The following FOXA2 variants were observed in gnomAD, a reference collection of about 807,000 sequenced individuals.
The protein encoded by FOXA2 is forkhead box A2, also known as hepatocyte nuclear factor 3-beta.
In FOXA2, 9 loss-of-function variants were observed where a neutral mutation model predicts 33.3. That is an observed-to-expected ratio of 0.27 (90% CI 0.16 to 0.47). FOXA2 has a LOEUF of 0.47. FOXA2 is among the 20% of genes least tolerant of loss of function. The pLI is 0.99. For synonymous variants in FOXA2, 329 were observed against 289.4 expected (o/e 1.14, Z -1.39); for missense variants, 704 against 659.9 (o/e 1.07, Z -0.73).
In FOXA2 at chr20:22,581,843, C is replaced by G; in HGVS notation, c.*7G>C. The stretch of plus-strand genomic sequence containing the variant: ...CAGAGTTAGCCGGGCCTGAAGCCGT[C>G]GTCTTCTTAAGAGGAGTTCATAATG... On this transcript the variant is annotated 3_prime_UTR_variant, in exon 2 of 2. Coordinates refer to ENST00000419308, the MANE Select transcript of FOXA2 (RefSeq NM_021784.5). The G allele has an allele frequency of 6.2e-7, 1 of 1,607,096 alleles. No homozygotes were observed. Among genetic ancestry groups the G allele is most frequent in the Non-Finnish European group, 8.5e-7 (1 of 1,174,504 alleles).
chr20:22,581,695 T>C lies in FOXA2; in HGVS notation c.*155A>G. On this transcript the variant is annotated 3_prime_UTR_variant, in exon 2 of 2. Coordinates refer to ENST00000419308, the MANE Select transcript of FOXA2 (RefSeq NM_021784.5). ...AACGGCTGCAGCGGGTGAAGAAGAC[T>C]GCTGTCTTGGGGGTGTTGGGGTGGG... is the stretch of plus-strand genomic sequence containing the variant. The C allele has an allele frequency of 1.5e-6, 1 of 679,662 alleles. No homozygotes were observed. The highest frequency in any genetic ancestry group is 2.6e-6 in the Non-Finnish European group (1 of 391,908). 42.1% of individuals were successfully genotyped at this position (679,662 alleles called of 1,614,324 possible). A position where few individuals can be genotyped will look rare whatever the true frequency, so the allele number is the denominator to read the frequency against.
In FOXA2 at chr20:22,584,540, A is replaced by G; in HGVS notation, c.-262T>C. The G allele has an allele frequency of 2.5e-6, 1 of 406,596 alleles. No homozygotes were observed. Among genetic ancestry groups the G allele is most frequent in the Non-Finnish European group, 4.5e-6 (1 of 223,216 alleles). The allele number at this position is 406,596 out of a possible 1,614,324, so 25.2% of individuals were successfully genotyped here. ...GGGAGCACCCGCCGCCGCCGCGCTC[A>G]CGGGCTGCCGGGTGGCGGCTGAGGT... On this transcript the variant is annotated 5_prime_UTR_variant, in exon 1 of 2. Transcript: ENST00000419308.
rs914261118 is a variant in FOXA2, at chr20:22,582,788, G to A, written c.454C>T (p.Arg152Cys). 2 of 1,614,004 alleles carry A rather than the reference G, an allele frequency of 1.2e-6. No homozygotes were observed. Among genetic ancestry groups the A allele is most frequent in the Admixed American group, 1.7e-5 (1 of 60,030 alleles). Residue 152 changes from arginine (R) to cysteine (C), a missense_variant, in exon 2 of 2, where the codon CGC (arginine) becomes TGC (cysteine). This residue lies in a region of FOXA2 where 304 missense variants were observed against 251.7 expected (regional missense o/e 1.21). Transcript: ENST00000419308. ...MYGQAGLSRA[R>C]DPKTYRRSYT... ...CTGCGCCTGTAGGTCTTGGGGTCGC[G>A]GGCGCGGCTCAGGCCCGCCTGCCCG...
In FOXA2 at chr20:22,581,783, C is replaced by T. The variant is rs765019593; in HGVS notation, c.*67G>A. The T allele has an allele frequency of 1.5e-5, 22 of 1,490,252 alleles. No individual in the cohort carries two copies. Among genetic ancestry groups the T allele is most frequent in the African/African-American group, 8.3e-5 (6 of 72,260 alleles). The allele number at this position is 1,490,252 out of a possible 1,614,324, so 92.3% of individuals were successfully genotyped here. A position where few individuals can be genotyped will look rare whatever the true frequency, so the allele number is the denominator to read the frequency against. On this transcript the variant is annotated 3_prime_UTR_variant, in exon 2 of 2. Coordinates refer to ENST00000419308, the MANE Select transcript of FOXA2 (RefSeq NM_021784.5). ...ACCGTCTCCCCAAAGTCTCGACCCC[C>T]ACTTGCTCTCTCACTTGTCCTCGAT...
In FOXA2 at chr20:22,581,947, G is replaced by C. The variant is rs772278013; in HGVS notation, c.1295C>G (p.Pro432Arg). Residue 432 changes from proline (P) to arginine (R), a missense_variant, in exon 2 of 2, where the codon CCG becomes CGG. Pro to Arg is a moderately radical substitution (Grantham distance 103, BLOSUM62 -2). This residue lies in a region of FOXA2 where 343 missense variants were observed against 274.8 expected (regional missense o/e 1.25). Coordinates refer to ENST00000419308, the MANE Select transcript of FOXA2 (RefSeq NM_021784.5). Reference protein sequence around the residue: ...SPMPGSLAMGPVTNKTGLDAS... With the variant: ...SPMPGSLAMGRVTNKTGLDAS... ...GTCCAGGCCCGTTTTGTTCGTGACC[G>C]GGCCCATGGCCAAGCTGCCAGGCAT... 6.2e-6 allele frequency: 10 copies of C among 1,611,774 alleles called. No individual in the cohort carries two copies. Among genetic ancestry groups the C allele is most frequent in the Admixed American group, 5.0e-5 (3 of 59,966 alleles).
chr20:22,584,514 A>T lies in FOXA2; in HGVS notation c.-236T>A. On this transcript the variant is annotated 5_prime_UTR_variant, in exon 1 of 2. Coordinates refer to ENST00000419308, the MANE Select transcript of FOXA2 (RefSeq NM_021784.5). Reference sequence around the variant, plus strand: ...GAGGCCCAGGCCAGCGCCCCGCGGTAGGGAGCACCCGCCGCCGCCGCGCTC... The same window carrying T: ...GAGGCCCAGGCCAGCGCCCCGCGGTTGGGAGCACCCGCCGCCGCCGCGCTC... 2 of 484,728 alleles carry T rather than the reference A, an allele frequency of 4.1e-6. No homozygotes were observed. The highest frequency in any genetic ancestry group is 3.7e-6 in the Non-Finnish European group (1 of 269,778). The allele number at this position is 484,728 out of a possible 1,614,324, so 30.0% of individuals were successfully genotyped here.
In FOXA2 at chr20:22,583,154, C is replaced by A. The variant is rs763407064; in HGVS notation, c.88G>T (p.Gly30Cys). 3.1e-6 allele frequency: 5 copies of A among 1,600,858 alleles called. No homozygotes were observed. The highest frequency in any genetic ancestry group is 1.6e-4 in the Middle Eastern group (1 of 6,084). The change falls in exon 2 of 2, where the codon GGC becomes TGC. Residue 30 changes from glycine to cysteine, a missense_variant and splice_region_variant. Coordinates refer to ENST00000419308, the MANE Select transcript of FOXA2 (RefSeq NM_021784.5). Reference sequence around the variant, plus strand: ...TTCATGTTGCTCACGGAGGAGTAGCCCTGCGGACAGAGCCCCGGGAGGGAG... The same window carrying A: ...TTCATGTTGCTCACGGAGGAGTAGCACTGCGGACAGAGCCCCGGGAGGGAG... ...DWSSYYAEPE[G>C]YSSVSNMNAG...
rs771348577 is a variant in FOXA2 at position 22,582,052 on chromosome 20, C to T, written c.1190G>A (p.Ser397Asn). 1.9e-6 allele frequency: 3 copies of T among 1,613,538 alleles called. No homozygotes were observed. The highest frequency in any genetic ancestry group is 1.1e-5 in the South Asian group (1 of 91,052). The change falls in exon 2 of 2, where the codon AGC becomes AAC. Residue 397 changes from serine (S) to asparagine (N), a missense_variant. Ser to Asn is a conservative substitution (Grantham distance 46, BLOSUM62 1). This residue lies in a region of FOXA2 where 343 missense variants were observed against 274.8 expected (regional missense o/e 1.25). Transcript: ENST00000419308. ...TTTGTGGGGTTGGTGGTGGTGGTGG[C>T]TGTGGTGGTGCTGCTGCTCCGAGGA... Reference protein sequence around the residue: ...LMSSEQQHHHSHHHHQPHKMD... With the variant: ...LMSSEQQHHHNHHHHQPHKMD...
At chr20:22,583,223 A>T (rs951288130) in intron 1 of FOXA2, 69 bp from the exon 2 acceptor site, 15 of 1,563,006 alleles carry the variant, frequency 9.6e-6, no homozygotes, top group Non-Finnish European at 1.3e-5. Context: ...CAGACCTCCC[A>T]CCCACCGCCC....
In FOXA2 at chr20:22,581,931, C is replaced by G. The variant is rs756462005; in HGVS notation, c.1311G>C (p.Thr437=). 1.2e-6 allele frequency: 2 copies of G among 1,610,866 alleles called. No individual in the cohort carries two copies. Among genetic ancestry groups the G allele is most frequent in the Non-Finnish European group, 1.7e-6 (2 of 1,177,404 alleles). Residue 437 remains threonine, a synonymous_variant, in exon 2 of 2, where the codon ACG becomes ACC. Transcript: ENST00000419308. ...SLAMGPVTNK[T]GLDASPLAAD... The stretch of plus-strand genomic sequence containing the variant: ...CGGCCAGGGGCGAGGCGTCCAGGCC[C>G]GTTTTGTTCGTGACCGGGCCCATGG...
chr20:22,584,752 TG>T (rs1249759832), upstream of FOXA2, among the ~76,000 whole-genome samples: 1 of 149,514 alleles, frequency 6.7e-6, no homozygotes, highest in Non-Finnish European at 1.5e-5. Flanking sequence ...CGCAGTGACG[TG>T]GGAGGCTGGT....
Position 22,583,114 on chromosome 20 carries a change from A to G in FOXA2, c.128T>C (p.Met43Thr). The change falls in exon 2 of 2, where the codon ATG becomes ACG. Residue 43 changes from methionine (M) to threonine (T), a missense_variant. Transcript: ENST00000419308. ...GCTCATGTACGTGTTCATGCCGTTC[A>G]TCCCCAGGCCGGCGTTCATGTTGCT... ...SVSNMNAGLG[M>T]NGMNTYMSMS... 1 of 1,606,842 alleles carries G rather than the reference A, an allele frequency of 6.2e-7. No homozygotes were observed. Among genetic ancestry groups the G allele is most frequent in the South Asian group, 1.1e-5 (1 of 91,080 alleles).
rs1264496984 is a variant in FOXA2, at chr20:22,582,363, G to T, written c.879C>A (p.Leu293=). The change falls in exon 2 of 2, where the codon CTC becomes CTA. Residue 293 remains leucine (L), a synonymous_variant. Coordinates refer to ENST00000419308, the MANE Select transcript of FOXA2 (RefSeq NM_021784.5). ...AAGAQASQAQ[L]GEAAGPASET... Reference sequence around the variant, plus strand: ...CGGAGGCCGGCCCGGCGGCCTCCCCGAGTTGAGCCTGTGAGGCCTGGGCTC... The same window carrying T: ...CGGAGGCCGGCCCGGCGGCCTCCCCTAGTTGAGCCTGTGAGGCCTGGGCTC... 2 of 1,496,816 alleles carry T rather than the reference G, an allele frequency of 1.3e-6. No homozygotes were observed. The highest frequency in any genetic ancestry group is 1.8e-6 in the Non-Finnish European group (2 of 1,132,104). 92.7% of individuals were successfully genotyped at this position (1,496,816 alleles called of 1,614,324 possible).
chr20:22,582,280 T>G lies in FOXA2; in HGVS notation c.962A>C (p.Lys321Thr). 6.8e-7 allele frequency: 1 copy of G among 1,469,432 alleles called. No individual in the cohort carries two copies. 91.0% of individuals were successfully genotyped at this position (1,469,432 alleles called of 1,614,324 possible). The change falls in exon 2 of 2, where the codon AAG becomes ACG. Residue 321 changes from lysine (K) to threonine (T), a missense_variant. Around this residue, in one of 5 missense-constraint regions of FOXA2, gnomAD observed 343 missense variants for 274.8 expected, o/e 1.25. Transcript: ENST00000419308. Reference sequence around the variant, plus strand: ...CTTCAGCTCTCCCAGGCCCCCTCGCTTGTGCTCCTGGCACGGGGAGGCGCT... The same window carrying G: ...CTTCAGCTCTCCCAGGCCCCCTCGCGTGTGCTCCTGGCACGGGGAGGCGCT... ...HSSASPCQEH[K>T]RGGLGELKGT...
chr20:22,582,822 G>A lies in FOXA2; in HGVS notation c.420C>T (p.Ser140=). 1.2e-6 allele frequency: 2 copies of A among 1,611,710 alleles called. No homozygotes were observed. Among genetic ancestry groups the A allele is most frequent in the South Asian group, 1.1e-5 (1 of 90,920 alleles). Residue 140 remains serine (S), a synonymous_variant, in exon 2 of 2, where the codon AGC becomes AGT. Coordinates refer to ENST00000419308, the MANE Select transcript of FOXA2 (RefSeq NM_021784.5). ...TCAGGCCCGCCTGCCCGTACATGGGGCTCATGGAGTTCATGTTGGCGTAGG... is the reference window on the plus strand; with the variant it reads ...TCAGGCCCGCCTGCCCGTACATGGGACTCATGGAGTTCATGTTGGCGTAGG... ...LAPYANMNSM[S]PMYGQAGLSR... is the part of the protein sequence containing the mutation.
upstream of FOXA2, among the ~76,000 whole-genome samples, chr20:22,584,672 TGGAGGAGGAGGAGGA>T (rs1176408400): frequency 4.7e-4 from 16 of 34,396 alleles, no homozygotes; most frequent in East Asian, 2.5e-3. Flanking sequence ...GTGGTGGTGG[TGGAGGAGGAGGAGGA>T]GGAGGAGGAG....
Position 22,582,937 on chromosome 20 carries a change from G to A in FOXA2, c.305C>T (p.Ala102Val). 1.3e-6 allele frequency: 2 copies of A among 1,542,456 alleles called. No individual in the cohort carries two copies. The highest frequency in any genetic ancestry group is 1.2e-5 in the South Asian group (1 of 83,672). The change falls in exon 2 of 2, where the codon GCG becomes GTG. Residue 102 changes from alanine (A) to valine (V), a missense_variant. Around this residue, in one of 5 missense-constraint regions of FOXA2, gnomAD observed 304 missense variants for 251.7 expected, o/e 1.21. Coordinates refer to ENST00000419308, the MANE Select transcript of FOXA2 (RefSeq NM_021784.5). ...AMAGMGGSAG[A>V]AGVAGMGPHL... ...CGGCCCCATGCCCGCCACGCCGGCC[G>A]CCCCGGCCGAGCCGCCCATGCCCGC...
chr20:22,582,960 C>A lies in FOXA2; in HGVS notation c.282G>T (p.Ala94=), dbSNP rs955958521. Reference sequence around the variant, plus strand: ...CCGCCCCGGCCGAGCCGCCCATGCCCGCCATGGCGCCCGCGCCGGGGGACA... The same window carrying A: ...CCGCCCCGGCCGAGCCGCCCATGCCAGCCATGGCGCCCGCGCCGGGGGACA... ...AGMSPGAGAM[A]GMGGSAGAAG... is the part of the protein sequence containing the mutation. The change falls in exon 2 of 2, where the codon GCG becomes GCT. Residue 94 remains alanine (A), a synonymous_variant. Coordinates refer to ENST00000419308, the MANE Select transcript of FOXA2 (RefSeq NM_021784.5). 1.3e-6 allele frequency: 2 copies of A among 1,598,538 alleles called. No homozygotes were observed. Among genetic ancestry groups the A allele is most frequent in the East Asian group, 2.3e-5 (1 of 44,286 alleles).
rs763486846 is a variant in FOXA2, at chr20:22,582,087, G to A, written c.1155C>T (p.Asn385=). 7 of 1,613,504 alleles carry A rather than the reference G, an allele frequency of 4.3e-6. No homozygotes were observed. In the South Asian group the frequency reaches 7.7e-5, roughly 18 times the overall value. The change falls in exon 2 of 2, where the codon AAC becomes AAT. Residue 385 remains asparagine (N), a synonymous_variant. Coordinates refer to ENST00000419308, the MANE Select transcript of FOXA2 (RefSeq NM_021784.5). The part of the protein sequence containing the change: ...HYAFNHPFSI[N]NLMSSEQQHH... ...GCTGCTGCTCCGAGGACATGAGGTT[G>A]TTGATGGAGAACGGGTGGTTGAAGG...
Sources: allele counts gnomAD v4.1 joint callset (sites outside exome capture counted in the v4.1 genomes callset), GRCh38; gene constraint gnomAD v4.1.1; regional missense constraint gnomAD v4.1.1; transcripts MANE v1.5; gene names NCBI Gene and HGNC (gene_info 2026-07-23, HGNC 2026-07-21).